Variants in APBB2 observed in about 807,000 individuals in gnomAD.
APBB2 encodes the protein Fe65-like 1.
APBB2 carries 38 observed loss-of-function variants against 82.5 expected under a neutral mutation model. That is an observed-to-expected ratio of 0.46 (90% CI 0.36 to 0.60). The LOEUF (loss-of-function observed/expected upper bound fraction) is 0.60, where lower values mean the gene tolerates loss of function less well. APBB2 is among the 20% of genes least tolerant of loss of function. The pLI is 0.00. For missense variants in APBB2, 772 were observed against 972.3 expected (o/e 0.79, Z 2.74); for synonymous variants, 341 against 368.2 (o/e 0.93, Z 0.85).
chr4:40,970,392 A>T (rs1795652958), intron 6 of APBB2, among the ~76,000 whole-genome samples: 1 of 151,834 alleles, frequency 6.6e-6, no homozygotes, highest in Admixed American at 6.6e-5. Flanking sequence ...TTTTTTTCTC[A>T]TTCTCCTCAG....
chr4:41,203,997 AC>A (rs144713158), intron 1 of APBB2, among the ~76,000 whole-genome samples: 5,845 of 152,252 alleles, frequency 0.038, 168 homozygotes, highest in Non-Finnish European at 0.046. Flanking sequence ...AGCCTGCCCC[AC>A]CTTGTCCACT....
Position 40,934,604 on chromosome 4 carries a change from A to G in APBB2, c.1193+10T>C, listed in dbSNP as rs1443075761. On this transcript the variant is annotated intron_variant, in intron 9 of 17. Coordinates refer to ENST00000508593, the MANE Select transcript of APBB2 (RefSeq NM_004307.2). Reference sequence around the variant, plus strand: ...ACATTGACAGCAGGTCGATCCTACTAATGTCCTACCTGAGTTTCAAAGATG... The same window carrying G: ...ACATTGACAGCAGGTCGATCCTACTGATGTCCTACCTGAGTTTCAAAGATG... 6.2e-7 allele frequency: 1 copy of G among 1,612,060 alleles called. No individual in the cohort carries two copies. The highest frequency in any genetic ancestry group is 1.3e-5 in the African/African-American group (1 of 74,864).
In APBB2 at chr4:40,915,481, G is replaced by A. The variant is rs549936994; in HGVS notation, c.1254+18975C>T. On this transcript the variant is annotated intron_variant, in intron 10 of 17. Transcript: ENST00000508593. ...GAGTGTTAAATGAATGTATATCTGC[G>A]AAGTTGGCCTTAAAACAATACCTGG... 3.3e-5 allele frequency among the ~76,000 whole-genome samples: 5 copies of A among 152,308 alleles called. No individual in the cohort carries two copies. The South Asian group carries it at 1.0e-3, about 32-fold the overall frequency.
intron 12 of APBB2, among the ~76,000 whole-genome samples, chr4:40,837,575 T>C (rs900783741): frequency 1.3e-5 from 2 of 152,220 alleles, no homozygotes; most frequent in Non-Finnish European, 2.9e-5. Flanking sequence ...TCTGAAATTC[T>C]ACCACCTGTG....
intron 6 of APBB2, among the ~76,000 whole-genome samples, chr4:40,982,326 AGAAAGAAGGAAG>A (rs1196538357): frequency 5.3e-5 from 2 of 37,438 alleles, no homozygotes; most frequent in Non-Finnish European, 1.1e-4. Context: ...AAGAAAGAAA[AGAAAGAAGGAAG>A]GAAGGAAGGA....
In APBB2 at chr4:40,812,338, C is replaced by G. The variant is rs1322254738; in HGVS notation, c.*3754G>C. 6.6e-6 allele frequency: 1 copy of G among 152,178 alleles called. No homozygotes were observed. Among genetic ancestry groups the G allele is most frequent in the Admixed American group, 6.5e-5 (1 of 15,284 alleles). The allele number at this position is 152,178 out of a possible 1,614,324, so 9.4% of individuals were successfully genotyped here. On this transcript the variant is annotated 3_prime_UTR_variant, in exon 18 of 18. Coordinates refer to ENST00000508593, the MANE Select transcript of APBB2 (RefSeq NM_004307.2). The stretch of plus-strand genomic sequence containing the variant: ...CTAAATTTATTCTCACAACAAATTA[C>G]ATTTAAATGTGTAAAAGTGGTCAAC...
intron 3 of APBB2, among the ~76,000 whole-genome samples, chr4:41,097,580 T>C (rs1204381757): frequency 6.6e-6 from 1 of 152,220 alleles, no homozygotes; most frequent in Non-Finnish European, 1.5e-5. Context: ...CCAAAAAACT[T>C]GCTGCATACT....
At chr4:41,060,512 A>G (rs1579661027) in intron 4 of APBB2, among the ~76,000 whole-genome samples, 1 of 152,188 alleles carries the variant, frequency 6.6e-6, no homozygotes, top group Non-Finnish European at 1.5e-5. Flanking sequence ...CCCTTAGCCC[A>G]AGATGACTCC....
intron 11 of APBB2, chr4:40,892,906 C>T (rs751216184): frequency 1.1e-5 from 2 of 181,002 alleles, no homozygotes; most frequent in Non-Finnish European, 2.3e-5. Flanking sequence ...TGGAAGTCAC[C>T]TTCCCCTTTG....
At chr4:40,928,178 T>C (rs1351824366) in intron 10 of APBB2, among the ~76,000 whole-genome samples, 3 of 152,154 alleles carry the variant, frequency 2.0e-5, no homozygotes, top group Non-Finnish European at 1.5e-5. Context: ...ACATTTTCCA[T>C]GGAAAAGTGG....
At chr4:40,975,828 C>G (rs1440982360) in intron 6 of APBB2, among the ~76,000 whole-genome samples, 2 of 151,356 alleles carry the variant, frequency 1.3e-5, no homozygotes, top group Non-Finnish European at 2.9e-5. Context: ...ACCTCATTCT[C>G]TACAAAAACA....
intron 6 of APBB2, among the ~76,000 whole-genome samples, chr4:40,978,059 G>C (rs192535321): frequency 6.6e-6 from 1 of 152,312 alleles, no homozygotes. Flanking sequence ...TCATATAGAA[G>C]ATGGAAGAAA....
intron 6 of APBB2, among the ~76,000 whole-genome samples, chr4:41,001,861 G>C (rs974246896): frequency 5.3e-5 from 8 of 150,336 alleles, no homozygotes; most frequent in African/African-American, 2.0e-4. Flanking sequence ...CTGGGTGACA[G>C]AGTGAGACTC....
At chr4:41,051,636 G>A (rs995057049) in intron 4 of APBB2, among the ~76,000 whole-genome samples, 1 of 152,050 alleles carries the variant, frequency 6.6e-6, no homozygotes, top group African/African-American at 2.4e-5. Flanking sequence ...TCATTTCCAC[G>A]GTCGCCTCTA....
intron 12 of APBB2, among the ~76,000 whole-genome samples, chr4:40,831,548 G>C (rs1352790446): frequency 1.3e-5 from 2 of 152,304 alleles, no homozygotes; most frequent in Non-Finnish European, 2.9e-5. Context: ...AGAAAGGCTT[G>C]AGGAGCGCAT....
chr4:41,030,843 A>C (rs1178489199), intron 5 of APBB2, among the ~76,000 whole-genome samples: 1 of 152,182 alleles, frequency 6.6e-6, no homozygotes, highest in Non-Finnish European at 1.5e-5. Context: ...ATTACTTGAT[A>C]TCATGGGCTA....
chr4:40,851,251 G>GT (rs1278901482), intron 12 of APBB2, among the ~76,000 whole-genome samples: 5 of 152,150 alleles, frequency 3.3e-5, no homozygotes, highest in African/African-American at 1.2e-4. Flanking sequence ...AGATGCAAGA[G>GT]TAAGAGCATT....
At chr4:40,949,252 G>A (rs1337790808) in intron 6 of APBB2, among the ~76,000 whole-genome samples, 4 of 79,136 alleles carry the variant, frequency 5.1e-5, no homozygotes, top group Non-Finnish European at 1.3e-4. Flanking sequence ...CTGGGCAACA[G>A]AGTGAGACTG....
At chr4:41,163,517 AAAG>A (rs1403711618) in intron 1 of APBB2, among the ~76,000 whole-genome samples, 1 of 152,200 alleles carries the variant, frequency 6.6e-6, no homozygotes, top group Non-Finnish European at 1.5e-5. Flanking sequence ...GCTTTCAGAG[AAAG>A]AAGATTACTT....
Sources: allele counts gnomAD v4.1 joint callset (sites outside exome capture counted in the v4.1 genomes callset), GRCh38; gene constraint gnomAD v4.1.1; transcripts MANE v1.5; gene names NCBI Gene and HGNC (gene_info 2026-07-23, HGNC 2026-07-21).